EYS: variants seen among roughly 807,000 people sequenced by gnomAD.
EYS encodes EGF-like photoreceptor maintenance factor, also known as protein eyes shut homolog.
Under a neutral mutation model 282.1 loss-of-function variants are expected in EYS, and 250 were observed. The observed-to-expected ratio is 0.89, with a 90% CI of 0.80 to 0.98. The LOEUF (loss-of-function observed/expected upper bound fraction) is 0.98. EYS is among the 50% of genes least tolerant of loss of function. The probability of loss-of-function intolerance (pLI) is 0.00; values close to 1 mark genes in which losing one functional copy is unlikely to be tolerated. For missense variants in EYS, 4,016 were observed against 3,709.0 expected, an observed-to-expected ratio of 1.08 and a Z score of -2.15; for synonymous variants, 1,355 against 1,282.9, an observed-to-expected ratio of 1.06 and a Z score of -1.20.
intron 29 of EYS, among the ~76,000 whole-genome samples, chr6:64,343,873 A>AT (rs1771244508): frequency 6.6e-6 from 1 of 152,130 alleles, no homozygotes; most frequent in African/African-American, 2.4e-5. Flanking sequence ...GATAAAGGGG[A>AT]TATCACCACT....
intron 12 of EYS, among the ~76,000 whole-genome samples, chr6:65,183,090 C>G (rs145756294): frequency 6.6e-6 from 1 of 152,044 alleles, no homozygotes; most frequent in East Asian, 2.0e-4. Context: ...TGTGCCCAGC[C>G]TCTATTCTGT....
At chr6:64,261,794 T>C (rs1767598460) in intron 30 of EYS, among the ~76,000 whole-genome samples, 1 of 151,910 alleles carries the variant, frequency 6.6e-6, no homozygotes, top group Non-Finnish European at 1.5e-5. Flanking sequence ...TTTGTTTTTT[T>C]TTTTTCTTTT....
At chr6:64,410,809 T>C (rs1457126365) in intron 28 of EYS, among the ~76,000 whole-genome samples, 4 of 152,176 alleles carry the variant, frequency 2.6e-5, no homozygotes, top group African/African-American at 9.6e-5. Flanking sequence ...TGTGTGTCTA[T>C]GTACTCTCAC....
At chr6:65,410,617 G>T (rs543873704) in intron 5 of EYS, among the ~76,000 whole-genome samples, 310 of 102,458 alleles carry the variant, frequency 3.0e-3, no homozygotes, top group African/African-American at 9.5e-3. Context: ...TTTTTTTTTA[G>T]ATTTCACTTA....
intron 12 of EYS, among the ~76,000 whole-genome samples, chr6:65,096,622 G>A (rs1013633516): frequency 1.3e-5 from 2 of 150,924 alleles, no homozygotes; most frequent in East Asian, 1.9e-4. Context: ...GTAATTTTTG[G>A]TAGTGTTGTG....
intron 19 of EYS, among the ~76,000 whole-genome samples, chr6:64,860,255 G>C (rs993978943): frequency 2.6e-5 from 4 of 152,254 alleles, no homozygotes; most frequent in African/African-American, 9.6e-5. Flanking sequence ...TCTGTGGCCA[G>C]TGGTGCCATT....
chr6:65,585,886 C>A (rs1232206847), intron 2 of EYS, among the ~76,000 whole-genome samples: 2 of 151,876 alleles, frequency 1.3e-5, no homozygotes, highest in African/African-American at 4.8e-5. Flanking sequence ...TATGAATTTG[C>A]CTGTTACTAA....
chr6:64,330,104 T>C (rs961160645), intron 29 of EYS, among the ~76,000 whole-genome samples: 1 of 152,106 alleles, frequency 6.6e-6, no homozygotes, highest in Non-Finnish European at 1.5e-5. Flanking sequence ...AGATGATTTA[T>C]TGTTAGCTGC....
At chr6:64,987,365 C>A (rs1020335424) in intron 14 of EYS, among the ~76,000 whole-genome samples, 3 of 151,556 alleles carry the variant, frequency 2.0e-5, no homozygotes, top group Non-Finnish European at 4.4e-5. Context: ...CAACTGAATT[C>A]TCTGTGGGGG....
intron 12 of EYS, among the ~76,000 whole-genome samples, chr6:65,162,746 G>A (rs890944702): frequency 2.0e-5 from 3 of 150,710 alleles, no homozygotes; most frequent in African/African-American, 7.3e-5. Context: ...TGGTGTTTAG[G>A]TGCTCTGTGC....
chr6:64,663,259 G>C (rs143890307), intron 22 of EYS, among the ~76,000 whole-genome samples: 4 of 152,042 alleles, frequency 2.6e-5, no homozygotes, highest in African/African-American at 7.2e-5. Flanking sequence ...ATATACCATT[G>C]GTAATAAGGG....
At chr6:65,142,253 C>A (rs75406547) in intron 12 of EYS, among the ~76,000 whole-genome samples, 1 of 151,676 alleles carries the variant, frequency 6.6e-6, no homozygotes, top group African/African-American at 2.4e-5. Context: ...TAGTTTGAAG[C>A]AAAAGCTTAA....
At chr6:64,816,962 G>A (rs1764756506) in intron 21 of EYS, among the ~76,000 whole-genome samples, 1 of 150,974 alleles carries the variant, frequency 6.6e-6, no homozygotes, top group Non-Finnish European at 1.5e-5. Context: ...TGGTAGTATA[G>A]AATATATATA....
At chr6:64,013,278 G>A (rs1429321858) in intron 33 of EYS, among the ~76,000 whole-genome samples, 1 of 152,168 alleles carries the variant, frequency 6.6e-6, no homozygotes, top group African/African-American at 2.4e-5. Flanking sequence ...TCCAATTCAC[G>A]TGCAATGGGA....
intron 2 of EYS, among the ~76,000 whole-genome samples, chr6:65,614,063 A>G (rs1582519753): frequency 6.6e-6 from 1 of 152,022 alleles, no homozygotes; most frequent in East Asian, 1.9e-4. Flanking sequence ...TGCCAGGCAC[A>G]TGGGATATAC....
At chr6:65,114,320 A>AT (rs61648453) in intron 12 of EYS, among the ~76,000 whole-genome samples, 3 of 149,864 alleles carry the variant, frequency 2.0e-5, no homozygotes, top group Non-Finnish European at 4.5e-5. Flanking sequence ...AGAATATCAT[A>AT]TTTTTTTCTT....
At chr6:64,156,862 G>GT (rs553416480) in intron 31 of EYS, among the ~76,000 whole-genome samples, 4,756 of 148,764 alleles carry the variant, frequency 0.032, 267 homozygotes, top group African/African-American at 0.11. Flanking sequence ...AAGGCATTCA[G>GT]TTTTTTTTTT....
At chr6:63,793,283 T>G (rs1770562347) in intron 37 of EYS, among the ~76,000 whole-genome samples, 1 of 152,222 alleles carries the variant, frequency 6.6e-6, no homozygotes, top group Non-Finnish European at 1.5e-5. Flanking sequence ...TTCCTTTTCC[T>G]CTCACTCCTA....
intron 2 of EYS, among the ~76,000 whole-genome samples, chr6:65,577,675 A>C: frequency 6.6e-6 from 1 of 151,670 alleles, no homozygotes; most frequent in East Asian, 1.9e-4. Flanking sequence ...TAAACCATAC[A>C]TCTGATAAGG....
Sources: allele counts gnomAD v4.1 joint callset (sites outside exome capture counted in the v4.1 genomes callset), GRCh38; gene constraint gnomAD v4.1.1; transcripts MANE v1.5; gene names NCBI Gene and HGNC (gene_info 2026-07-23, HGNC 2026-07-21).